ARAP2: variants seen among roughly 807,000 people sequenced by gnomAD.
The protein encoded by ARAP2 is ArfGAP with RhoGAP domain, ankyrin repeat and PH domain 2, also known as arf-GAP with Rho-GAP domain, ANK repeat and PH domain-containing protein 2.
In ARAP2, 148 loss-of-function variants were observed where a neutral mutation model predicts 194.5. That is an observed-to-expected ratio of 0.76 (90% confidence interval 0.67 to 0.87). The LOEUF is 0.87. Among genes scored for constraint, ARAP2 ranks in the 40% least tolerant of loss-of-function variants. The pLI is 0.00. For synonymous variants in ARAP2, 695 were observed against 683.5 expected, an observed-to-expected ratio of 1.02 and a Z score of -0.26; for missense variants, 2,128 against 1,989.7, an observed-to-expected ratio of 1.07 and a Z score of -1.32.
At chr4:36,011,539 A>G (rs1449279290) in intron 9 of ARAP2, among the ~76,000 whole-genome samples, 1 of 152,120 alleles carries the variant, frequency 6.6e-6, no homozygotes, top group East Asian at 1.9e-4. Flanking sequence ...TTTCCAGAGA[A>G]TCTTAGAAAC....
intron 17 of ARAP2, among the ~76,000 whole-genome samples, chr4:36,148,009 G>A (rs925416134): frequency 1.3e-5 from 2 of 152,060 alleles, no homozygotes; most frequent in African/African-American, 4.8e-5. Context: ...TAACTGATTT[G>A]TGGAACTTTT....
At chr4:36,048,365 G>A in intron 3 of ARAP2, among the ~76,000 whole-genome samples, 1 of 151,136 alleles carries the variant, frequency 6.6e-6, no homozygotes, top group South Asian at 2.1e-4. Context: ...TTGCCTTCAT[G>A]TCTTTCCTCC....
chr4:36,084,470 T>C (rs1730353243), intron 28 of ARAP2, among the ~76,000 whole-genome samples: 1 of 152,112 alleles, frequency 6.6e-6, no homozygotes, highest in Non-Finnish European at 1.5e-5. Flanking sequence ...TTTTCTATAC[T>C]GTTTGGATTT....
In ARAP2 at chr4:36,165,040, A is replaced by G; in HGVS notation, c.2047T>C (p.Ser683Pro). 6.2e-7 allele frequency: 1 copy of G among 1,614,068 alleles called. No homozygotes were observed. Residue 683 changes from serine (S) to proline (P), a missense_variant, in exon 11 of 33, where the codon TCT becomes CCT. Transcript: ENST00000303965. ...AVQQSIAETLSDYEVAEKIWF... is the reference protein window; with the variant it reads ...AVQQSIAETLPDYEVAEKIWF... ...ATCTTCTCAGCTACTTCATAATCAG[A>G]GAGAGTTTCTGCTATTGATTGCTGC...
chr4:36,146,318 T>C (rs1346001013), intron 19 of ARAP2, among the ~76,000 whole-genome samples: 1 of 152,046 alleles, frequency 6.6e-6, no homozygotes, highest in Non-Finnish European at 1.5e-5. Context: ...AGTAATCCTG[T>C]AAAAACATAA....
At chr4:36,115,098 G>A (rs61798140) in intron 25 of ARAP2, among the ~76,000 whole-genome samples, 45,808 of 151,840 alleles carry the variant, frequency 0.3, 8,175 homozygotes, top group East Asian at 0.47. Context: ...AAGTTCTTTA[G>A]AAATGTATTT....
chr4:36,193,432 C>T (rs1451837860), intron 7 of ARAP2, 146 bp downstream of exon 7: 2 of 466,342 alleles, frequency 4.3e-6, no homozygotes, highest in Non-Finnish European at 7.7e-6. Context: ...ATTAACTAAG[C>T]ATATGGTAAT....
At chr4:36,026,028 C>T (rs188009298) in intron 5 of ARAP2, among the ~76,000 whole-genome samples, 5 of 152,116 alleles carry the variant, frequency 3.3e-5, no homozygotes, top group Non-Finnish European at 7.4e-5. Context: ...AGGAAAACAA[C>T]AATTTAGCAT....
rs537509249 is a variant in ARAP2 at position 36,159,648 on chromosome 4, G to C, written c.2443-143C>G. On this transcript the variant is annotated intron_variant, in intron 13 of 32. Coordinates refer to ENST00000303965, the MANE Select transcript of ARAP2 (RefSeq NM_015230.4). Reference sequence around the variant, plus strand: ...AGGCGGCTAATAATAATTATGCCATGAATTAGGCAATAGGCACAAAAGGCC... The same window carrying C: ...AGGCGGCTAATAATAATTATGCCATCAATTAGGCAATAGGCACAAAAGGCC... 2.3e-4 allele frequency: 168 copies of C among 721,124 alleles called. 1 individual carries two copies. In the South Asian group the frequency reaches 7.4e-3, roughly 32 times the overall value. The allele number at this position is 721,124 out of a possible 1,614,324, so 44.7% of individuals were successfully genotyped here. A position where few individuals can be genotyped will look rare whatever the true frequency, so the allele number is the denominator to read the frequency against.
At chr4:36,105,692 G>T (rs1404087921) in intron 27 of ARAP2, among the ~76,000 whole-genome samples, 1 of 151,922 alleles carries the variant, frequency 6.6e-6, no homozygotes, top group Non-Finnish European at 1.5e-5. Context: ...ACCTTGTTGG[G>T]TTGTTTGCCA....
chr4:36,037,712 T>C (rs373730829), intron 5 of ARAP2, among the ~76,000 whole-genome samples: 11 of 152,060 alleles, frequency 7.2e-5, no homozygotes, highest in African/African-American at 2.4e-4. Context: ...CTGTTTTTGG[T>C]TTTCTGTATT....
At chr4:36,183,545 C>T (rs547447747) in intron 8 of ARAP2, among the ~76,000 whole-genome samples, 27 of 152,226 alleles carry the variant, frequency 1.8e-4, no homozygotes, top group African/African-American at 3.4e-4. Context: ...CAAAACATCA[C>T]GAGTGTTTTG....
chr4:36,152,689 A>C (rs1731284695), intron 15 of ARAP2, among the ~76,000 whole-genome samples: 1 of 151,664 alleles, frequency 6.6e-6, no homozygotes, highest in Non-Finnish European at 1.5e-5. Flanking sequence ...AAAAAACTGC[A>C]AAGAAAAATG....
intron 1 of ARAP2, chr4:36,243,951 G>C (rs1023911411): frequency 1.3e-5 from 2 of 152,226 alleles, no homozygotes; most frequent in Admixed American, 1.3e-4. Flanking sequence ...CACCCTCCCG[G>C]GTCAAATCCC....
At chr4:36,238,371 G>A (rs981095152) in intron 1 of ARAP2, among the ~76,000 whole-genome samples, 1 of 152,124 alleles carries the variant, frequency 6.6e-6, no homozygotes, top group Non-Finnish European at 1.5e-5. Flanking sequence ...CTGCAGAGGA[G>A]GAAAATCCGA....
At chr4:36,240,715 T>C (rs190882273) in intron 1 of ARAP2, among the ~76,000 whole-genome samples, 1 of 152,290 alleles carries the variant, frequency 6.6e-6, no homozygotes, top group Admixed American at 6.5e-5. Flanking sequence ...AAATTTTAGC[T>C]GAAAATAGGT....
intron 15 of ARAP2, 146 bp downstream of exon 15, chr4:36,158,584 A>G (rs550381571): frequency 2.9e-6 from 2 of 684,156 alleles, no homozygotes; most frequent in South Asian, 4.2e-5. Context: ...TAATATTTGC[A>G]CCTAGAAGCA....
At chr4:36,025,245 G>A (rs1309337169) in intron 5 of ARAP2, among the ~76,000 whole-genome samples, 1 of 152,112 alleles carries the variant, frequency 6.6e-6, no homozygotes, top group Admixed American at 6.6e-5. Context: ...TGATAAAGAA[G>A]GAAAACAGCT....
intron 10 of ARAP2, among the ~76,000 whole-genome samples, chr4:36,165,516 A>G (rs1735080474): frequency 6.6e-6 from 1 of 152,116 alleles, no homozygotes; most frequent in East Asian, 1.9e-4. Flanking sequence ...GTCTGAAACT[A>G]TGTTATCAAA....
Sources: allele counts gnomAD v4.1 joint callset (sites outside exome capture counted in the v4.1 genomes callset), GRCh38; gene constraint gnomAD v4.1.1; transcripts MANE v1.5; gene names NCBI Gene and HGNC (gene_info 2026-07-23, HGNC 2026-07-21).